The following TEX15 variants were observed in gnomAD, a reference collection of about 807,000 sequenced individuals.
TEX15 encodes the protein testis expressed 15, meiosis and synapsis associated.
In TEX15, 171 loss-of-function variants were observed where a neutral mutation model predicts 237.3. The observed-to-expected ratio is 0.72, with a 90% CI of 0.64 to 0.82. The LOEUF (loss-of-function observed/expected upper bound fraction) is 0.82, where lower values mean the gene tolerates loss of function less well. TEX15 is among the 40% of genes least tolerant of loss of function. The pLI, the probability that TEX15 is intolerant of heterozygous loss-of-function variation, is 0.00. For missense variants in TEX15, 3,750 were observed against 3,646.5 expected, an observed-to-expected ratio of 1.03 and a Z score of -0.73; for synonymous variants, 1,338 against 1,269.8, an observed-to-expected ratio of 1.05 and a Z score of -1.14.
chr8:30,867,054 CT>C (rs578027524), intron 5 of TEX15, among the ~76,000 whole-genome samples: 3,656 of 128,080 alleles, frequency 0.029, 118 homozygotes, highest in African/African-American at 0.088. Flanking sequence ...GCTGCCTTTG[CT>C]TTTTTTTTTT....
chr8:30,912,334 T>TCGTGGAGGC (rs1440679200), intron 1 of TEX15, among the ~76,000 whole-genome samples: 1 of 150,756 alleles, frequency 6.6e-6, no homozygotes, highest in Non-Finnish European at 1.5e-5. Flanking sequence ...GCGGCGGGGC[T>TCGTGGAGGC]CCCGCCCCCT....
At position 30,898,633 on chromosome 8, in the gene TEX15, A is replaced by G. The variant is rs118055496; in HGVS notation, c.-10+109T>C. ...CAATGTGTGATAAAAGACACTCTTCATCTATCTTCTTTATTGCCGAATTAT... is the reference window on the plus strand; with the variant it reads ...CAATGTGTGATAAAAGACACTCTTCGTCTATCTTCTTTATTGCCGAATTAT... On this transcript the variant is annotated intron_variant, in intron 2 of 10. Coordinates refer to ENST00000643185, the MANE Select transcript of TEX15 (RefSeq NM_001350162.2). 5.9e-5 allele frequency: 9 copies of G among 152,328 alleles called. No homozygotes were observed. In the East Asian group the frequency reaches 1.7e-3, roughly 29 times the overall value. 9.4% of individuals were successfully genotyped at this position (152,328 alleles called of 1,614,324 possible). A position where few individuals can be genotyped will look rare whatever the true frequency, so the allele number is the denominator to read the frequency against.
chr8:30,878,364 T>C (rs1382892524), intron 3 of TEX15, among the ~76,000 whole-genome samples: 1 of 152,060 alleles, frequency 6.6e-6, no homozygotes, highest in Non-Finnish European at 1.5e-5. Context: ...GGCTGGATCA[T>C]ATGGCAGTTG....
In TEX15 at chr8:30,843,814, C is replaced by T. The variant is rs748954230; in HGVS notation, c.6353G>A (p.Arg2118His). The T allele has an allele frequency of 3.2e-5, 52 of 1,612,812 alleles. No individual in the cohort carries two copies. The highest frequency in any genetic ancestry group is 8.5e-6 in the Non-Finnish European group (10 of 1,179,436). ...GAAATTAGACTGCTGTTGAAATCCA[C>T]GTGGTTTTCCAAGAAGCTCAGCATA... is the stretch of plus-strand genomic sequence containing the variant. ...TLYAELLGKP[R>H]GFQQQSNFYP... The change falls in exon 8 of 11, where the codon CGT (arginine) becomes CAT (histidine). Residue 2118 changes from arginine to histidine, a missense_variant. Arg to His is a conservative substitution (Grantham distance 29, BLOSUM62 0). Transcript: ENST00000643185.
rs1435919965 is a variant in TEX15 at position 30,847,786 on chromosome 8, C to T, written c.2381G>A (p.Ser794Asn). 3 of 1,613,602 alleles carry T rather than the reference C, an allele frequency of 1.9e-6. No homozygotes were observed. The highest frequency in any genetic ancestry group is 2.5e-6 in the Non-Finnish European group (3 of 1,179,944). The stretch of plus-strand genomic sequence containing the variant: ...TTCTCTAGTTATGCTGCAATTTGAA[C>T]TGTCATGAGCTGTTTCTATGTTATA... The part of the protein sequence containing the change: ...SSYNIETAHD[S>N]SNCSITREHI... The change falls in exon 8 of 11, where the codon AGT becomes AAT. Residue 794 changes from serine to asparagine, a missense_variant. Physicochemically the swap from Ser to Asn is conservative, Grantham distance 46. Coordinates refer to ENST00000643185, the MANE Select transcript of TEX15 (RefSeq NM_001350162.2).
At chr8:30,910,854 T>C (rs1018740116) in intron 1 of TEX15, among the ~76,000 whole-genome samples, 4 of 152,136 alleles carry the variant, frequency 2.6e-5, no homozygotes, top group Non-Finnish European at 4.4e-5. Flanking sequence ...TTTTAAAATA[T>C]CTTTGCAATA....
At chr8:30,912,332 GCTCCCGCCCCCTCC>G (rs1257890936) in intron 1 of TEX15, among the ~76,000 whole-genome samples, 3 of 150,996 alleles carry the variant, frequency 2.0e-5, no homozygotes, top group Non-Finnish European at 4.4e-5. Context: ...GGGCGGCGGG[GCTCCCGCCCCCTCC>G]CCGCCCCCGC....
chr8:30,845,727 T>C lies in TEX15; in HGVS notation c.4440A>G (p.Thr1480=). The change falls in exon 8 of 11, where the codon ACA becomes ACG. Residue 1480 remains threonine, a synonymous_variant. Transcript: ENST00000643185. The part of the protein sequence containing the change: ...THVSKHKSYK[T]SGEKKCLSRK... ...TAGAAAGGCATTTTTTCTCTCCACT[T>C]GTTTTATAAGACTTGTGCTTTGACA... 1 of 1,613,692 alleles carries C rather than the reference T, an allele frequency of 6.2e-7. No individual in the cohort carries two copies. The highest frequency in any genetic ancestry group is 1.1e-5 in the South Asian group (1 of 91,064).
At chr8:30,859,361 G>A (rs1251580239) in intron 6 of TEX15, among the ~76,000 whole-genome samples, 1 of 151,776 alleles carries the variant, frequency 6.6e-6, no homozygotes, top group African/African-American at 2.4e-5. Context: ...TCCTACTTTT[G>A]CAAAGTATAG....
intron 7 of TEX15, 92 bp downstream of exon 7, chr8:30,858,576 G>A (rs1233774123): frequency 3.7e-5 from 42 of 1,144,792 alleles, no homozygotes; most frequent in Non-Finnish European, 5.0e-5. Context: ...AGGATTACAG[G>A]TGTGAACCAT....
At position 30,844,983 on chromosome 8, in the gene TEX15, A is replaced by C. The variant is rs775950205; in HGVS notation, c.5184T>G (p.Ser1728Arg). 1.2e-6 allele frequency: 2 copies of C among 1,613,476 alleles called. No individual in the cohort carries two copies. The highest frequency in any genetic ancestry group is 1.7e-6 in the Non-Finnish European group (2 of 1,179,506). ...PQLSAAAVTD[S>R]EGESSKSYLD... ...AGTAAGATTTTGAAGATTCTCCCTC[A>C]CTATCTGTCACTGCAGCGGCTGATA... The change falls in exon 8 of 11, where the codon AGT becomes AGG. Residue 1728 changes from serine to arginine, a missense_variant. Transcript: ENST00000643185.
At chr8:30,860,707 G>A (rs2128770633) in intron 5 of TEX15, among the ~76,000 whole-genome samples, 1 of 151,664 alleles carries the variant, frequency 6.6e-6, no homozygotes, top group African/African-American at 2.4e-5. Context: ...GGGATTACAT[G>A]CCCAGCTAAT....
intron 3 of TEX15, among the ~76,000 whole-genome samples, chr8:30,879,439 C>T (rs550276875): frequency 1.3e-5 from 2 of 152,154 alleles, no homozygotes; most frequent in Non-Finnish European, 2.9e-5. Context: ...AAGGTTCATT[C>T]GGAATTATTT....
chr8:30,881,626 A>ATTTTTTTTTTT (rs755911484), intron 3 of TEX15, among the ~76,000 whole-genome samples: 2 of 76,252 alleles, frequency 2.6e-5, no homozygotes, highest in Non-Finnish European at 4.5e-5. Flanking sequence ...ATTTTTTTTT[A>ATTTTTTTTTTT]TTATTTTTTT....
chr8:30,859,629 C>T (rs1807997155), intron 6 of TEX15, among the ~76,000 whole-genome samples: 1 of 151,958 alleles, frequency 6.6e-6, no homozygotes, highest in Non-Finnish European at 1.5e-5. Flanking sequence ...GCTGTGCAGC[C>T]TTGTTTAAAT....
Position 30,869,344 on chromosome 8 carries a change from T to C in TEX15, c.303-1842A>G, listed in dbSNP as rs1054761387. Among the ~76,000 whole-genome samples, 9 of 152,052 alleles carry C rather than the reference T, an allele frequency of 5.9e-5. No homozygotes were observed. The East Asian group carries it at 1.7e-3, about 29-fold the overall frequency. On this transcript the variant is annotated intron_variant, in intron 4 of 10. Transcript: ENST00000643185. ...GTGCCCCCAAGAATTAAAGAAACCA[T>C]TGACTAGCAGAAATTCTTAAGCTTG...
At chr8:30,890,162 T>G (rs1256520021) in intron 2 of TEX15, among the ~76,000 whole-genome samples, 1 of 151,174 alleles carries the variant, frequency 6.6e-6, no homozygotes, top group African/African-American at 2.4e-5. Context: ...TAACAGGTAT[T>G]CAAAATAATA....
intron 3 of TEX15, among the ~76,000 whole-genome samples, chr8:30,884,584 T>C (rs542951472): frequency 6.6e-6 from 1 of 152,336 alleles, no homozygotes; most frequent in Non-Finnish European, 1.5e-5. Context: ...TTTCAAGGAA[T>C]TGGTACATTT....
chr8:30,887,876 CACATATATATTTCATATAT>C (rs1169898363), intron 2 of TEX15: 34 of 133,174 alleles, frequency 2.6e-4, no homozygotes, highest in African/African-American at 8.8e-4. Context: ...ATATATATTT[CACATATATATTTCATATAT>C]ATATATATAT....
Sources: allele counts gnomAD v4.1 joint callset (sites outside exome capture counted in the v4.1 genomes callset), GRCh38; gene constraint gnomAD v4.1.1; transcripts MANE v1.5; gene names NCBI Gene and HGNC (gene_info 2026-07-23, HGNC 2026-07-21).